FANCL: variants seen among roughly 807,000 people sequenced by gnomAD.
FANCL encodes the protein E3 ubiquitin-protein ligase FANCL.
FANCL carries 69 observed loss-of-function variants against 59.4 expected under a neutral mutation model. The ratio of observed to expected loss-of-function variants is 1.16; its 90% CI spans 0.96 to 1.42. The LOEUF (loss-of-function observed/expected upper bound fraction) is 1.42, where lower values mean the gene tolerates loss of function less well. Among genes scored for constraint, FANCL ranks in the 40% most tolerant of loss-of-function variants. FANCL has a pLI of 0.00. For missense variants in FANCL, 519 were observed against 447.2 expected, an observed-to-expected ratio of 1.16 and a Z score of -1.45; for synonymous variants, 180 against 147.1, an observed-to-expected ratio of 1.22 and a Z score of -1.62.
At chr2:58,174,732 G>A (rs1292172961) in intron 7 of FANCL, among the ~76,000 whole-genome samples, 1 of 152,098 alleles carries the variant, frequency 6.6e-6, no homozygotes, top group African/African-American at 2.4e-5. Flanking sequence ...AAAAGAACTA[G>A]AAAAGCAAGA....
intron 7 of FANCL, among the ~76,000 whole-genome samples, chr2:58,181,065 G>C (rs1331851182): frequency 2.0e-5 from 3 of 151,998 alleles, no homozygotes; most frequent in Admixed American, 6.6e-5. Flanking sequence ...TCCAAAAAAA[G>C]TGAAAAGATA....
intron 7 of FANCL, among the ~76,000 whole-genome samples, chr2:58,172,545 G>A (rs146149869): frequency 6.6e-6 from 1 of 152,184 alleles, no homozygotes; most frequent in Non-Finnish European, 1.5e-5. Flanking sequence ...GAGGGTCTCT[G>A]TTAACAGAGG....
chr2:58,182,535 T>C (rs982753403), intron 7 of FANCL, among the ~76,000 whole-genome samples: 1 of 151,834 alleles, frequency 6.6e-6, no homozygotes, highest in Non-Finnish European at 1.5e-5. Context: ...TTGGAATTTT[T>C]GAGGGGTATA....
At chr2:58,235,997 G>A (rs1237201505) in intron 1 of FANCL, among the ~76,000 whole-genome samples, 1 of 149,752 alleles carries the variant, frequency 6.7e-6, no homozygotes, top group African/African-American at 2.5e-5. Flanking sequence ...AACTTAAAGT[G>A]ACCTAAATGC....
intron 7 of FANCL, among the ~76,000 whole-genome samples, chr2:58,174,547 A>G (rs1573573156): frequency 6.6e-6 from 1 of 152,378 alleles, no homozygotes; most frequent in East Asian, 1.9e-4. Flanking sequence ...TACTGGGTAC[A>G]TAACAAAATG....
chr2:58,208,637 A>G (rs1002244478), intron 5 of FANCL, among the ~76,000 whole-genome samples: 4 of 152,316 alleles, frequency 2.6e-5, no homozygotes, highest in Admixed American at 1.3e-4. Context: ...GACTGCTTCA[A>G]AAGACAGACT....
chr2:58,198,739 T>A, intron 6 of FANCL, 77 bp from the exon 7 acceptor site: 1 of 1,198,214 alleles, frequency 8.3e-7, no homozygotes, highest in Non-Finnish European at 1.2e-6. Context: ...AAAAACTAGA[T>A]GTATTAGGGG....
chr2:58,159,731 T>G lies in FANCL; in HGVS notation c.*34A>C, dbSNP rs372719547. On this transcript the variant is annotated 3_prime_UTR_variant, in exon 14 of 14. Transcript: ENST00000233741. ...AATTCCTTTTGATAATTTTTTAAGT[T>G]TCCAGCTCTTCACCGAAATGTTGTA... 1.2e-5 allele frequency: 19 copies of G among 1,612,710 alleles called. No individual in the cohort carries two copies. The highest frequency in any genetic ancestry group is 1.5e-5 in the Non-Finnish European group (18 of 1,179,564).
chr2:58,160,018 A>G, intron 13 of FANCL, 90 bp downstream of exon 13: 1 of 1,577,098 alleles, frequency 6.3e-7, no homozygotes, highest in East Asian at 2.3e-5. Flanking sequence ...AAAGTTTTAG[A>G]TAAACTGATA....
chr2:58,198,255 T>TA (rs1689639376), intron 7 of FANCL, among the ~76,000 whole-genome samples: 1 of 152,158 alleles, frequency 6.6e-6, no homozygotes, highest in African/African-American at 2.4e-5. Context: ...TAAAAACAGT[T>TA]ACAGTTGGCC....
intron 7 of FANCL, among the ~76,000 whole-genome samples, chr2:58,174,243 A>C (rs1204869511): frequency 6.6e-6 from 1 of 152,218 alleles, no homozygotes; most frequent in East Asian, 1.9e-4. Flanking sequence ...ACAGAAAGTT[A>C]ACAAGGATAC....
intron 2 of FANCL, among the ~76,000 whole-genome samples, 179 bp from the exon 3 acceptor site, chr2:58,230,053 T>G (rs1205229906): frequency 1.3e-5 from 2 of 152,232 alleles, no homozygotes; most frequent in African/African-American, 2.4e-5. Flanking sequence ...GGTACTAATT[T>G]TATTTCAAAA....
intron 5 of FANCL, among the ~76,000 whole-genome samples, chr2:58,212,319 G>T (rs1691253756): frequency 6.6e-6 from 1 of 152,138 alleles, no homozygotes; most frequent in Admixed American, 6.5e-5. Context: ...AGAACAGTAT[G>T]GGGGAAACTG....
rs1391137696 is a variant in FANCL, at chr2:58,221,822, T to C, written c.374+120A>G. On this transcript the variant is annotated intron_variant, in intron 5 of 13. Coordinates refer to ENST00000233741, the MANE Select transcript of FANCL (RefSeq NM_018062.4). Reference sequence around the variant, plus strand: ...ATTCACAGCAACAATAAGGATCAAATACTCTAGTTACAATTAAACACTTTG... The same window carrying C: ...ATTCACAGCAACAATAAGGATCAAACACTCTAGTTACAATTAAACACTTTG... The C allele has an allele frequency of 1.6e-5, 11 of 694,698 alleles. 1 individual carries two copies. The South Asian group carries it at 1.7e-4, about 11-fold the overall frequency. The allele number at this position is 694,698 out of a possible 1,614,324, so 43.0% of individuals were successfully genotyped here.
chr2:58,221,492 G>C (rs565443939), intron 5 of FANCL, among the ~76,000 whole-genome samples: 2 of 152,100 alleles, frequency 1.3e-5, no homozygotes, highest in African/African-American at 2.4e-5. Flanking sequence ...AACCCTAGTT[G>C]CTAAAATTTA....
At chr2:58,224,768 G>C (rs1452075927) in intron 4 of FANCL, among the ~76,000 whole-genome samples, 1 of 151,976 alleles carries the variant, frequency 6.6e-6, no homozygotes, top group Non-Finnish European at 1.5e-5. Context: ...ATACTACAAT[G>C]ATGTTAACAT....
chr2:58,240,354 G>C (rs557562879), intron 1 of FANCL, among the ~76,000 whole-genome samples: 9 of 152,256 alleles, frequency 5.9e-5, no homozygotes, highest in Non-Finnish European at 7.4e-5. Flanking sequence ...ACAAGGTTGA[G>C]TGTAATGGTC....
chr2:58,181,292 A>G (rs984814402), intron 7 of FANCL, among the ~76,000 whole-genome samples: 5 of 152,066 alleles, frequency 3.3e-5, no homozygotes, highest in Non-Finnish European at 5.9e-5. Context: ...AAATAAGCCT[A>G]TGTAGGAAAG....
intron 7 of FANCL, among the ~76,000 whole-genome samples, chr2:58,174,099 T>C (rs1446824164): frequency 2.0e-5 from 3 of 152,136 alleles, no homozygotes; most frequent in African/African-American, 7.2e-5. Flanking sequence ...ATCCTAAATA[T>C]ATATGCACCC....
Sources: allele counts gnomAD v4.1 joint callset (sites outside exome capture counted in the v4.1 genomes callset), GRCh38; gene constraint gnomAD v4.1.1; transcripts MANE v1.5; gene names NCBI Gene and HGNC (gene_info 2026-07-23, HGNC 2026-07-21).